Variants in ELP4 observed in about 807,000 individuals in gnomAD.
ELP4 encodes elongator complex protein 4.
A neutral mutation model predicts 48.9 loss-of-function variants in ELP4; 51 were observed. That is an observed-to-expected ratio of 1.04 (90% CI 0.83 to 1.32). ELP4 has a LOEUF of 1.32. Among genes scored for constraint, ELP4 ranks in the 40% most tolerant of loss-of-function variants. The pLI is 0.00. For synonymous variants in ELP4, 210 were observed against 189.2 expected (o/e 1.11, Z -0.90); for missense variants, 519 against 514.6 (o/e 1.01, Z -0.08).
At chr11:31,679,569 T>G (rs1470085563) in intron 9 of ELP4, among the ~76,000 whole-genome samples, 4 of 152,204 alleles carry the variant, frequency 2.6e-5, no homozygotes, top group Non-Finnish European at 5.9e-5. Flanking sequence ...ACCAGTCATA[T>G]TGGATTAGGA....
intron 9 of ELP4, among the ~76,000 whole-genome samples, chr11:31,736,356 C>G (rs1001791644): frequency 2.6e-5 from 4 of 152,064 alleles, no homozygotes; most frequent in Admixed American, 2.6e-4. Context: ...CATGGTAGAC[C>G]TAAAACCATA....
In ELP4 at chr11:31,734,546, T is replaced by C. The variant is rs557120509; in HGVS notation, c.1144-48847T>C. ...TGAAAAGACAACAAGGAAAACTTAG[T>C]TGTGTTTCTGTACACTAGCACTAAA... On this transcript the variant is annotated intron_variant, in intron 9 of 9. Coordinates refer to ENST00000640961, the MANE Select transcript of ELP4 (RefSeq NM_019040.5). Among the ~76,000 whole-genome samples, 15 of 152,332 alleles carry C rather than the reference T, an allele frequency of 9.8e-5. No individual in the cohort carries two copies. The South Asian group carries it at 2.7e-3, about 27-fold the overall frequency.
chr11:31,766,195 A>G (rs1371964799), intron 9 of ELP4, among the ~76,000 whole-genome samples: 5 of 152,272 alleles, frequency 3.3e-5, no homozygotes, highest in Non-Finnish European at 7.4e-5. Context: ...TGTATTTTAT[A>G]TAATAAACCA....
chr11:31,596,105 A>G (rs1411092656), intron 4 of ELP4, among the ~76,000 whole-genome samples: 1 of 152,154 alleles, frequency 6.6e-6, no homozygotes, highest in East Asian at 1.9e-4. Flanking sequence ...CATATATTTT[A>G]AAATACATCT....
At chr11:31,673,891 G>T (rs937564561) in intron 9 of ELP4, among the ~76,000 whole-genome samples, 1 of 152,032 alleles carries the variant, frequency 6.6e-6, no homozygotes, top group Admixed American at 6.6e-5. Flanking sequence ...TTAGCTCATG[G>T]TTACTCTAAC....
At chr11:31,733,641 A>G (rs1947243856) in intron 9 of ELP4, among the ~76,000 whole-genome samples, 1 of 152,174 alleles carries the variant, frequency 6.6e-6, no homozygotes, top group African/African-American at 2.4e-5. Flanking sequence ...TCTATAGTCT[A>G]CCAAGACTAT....
At chr11:31,603,643 G>A (rs1957820378) in intron 4 of ELP4, 125 bp from the exon 5 acceptor site, 1 of 866,752 alleles carries the variant, frequency 1.2e-6, no homozygotes. Flanking sequence ...CTTAGTGTAT[G>A]TATATCCGTT....
chr11:31,688,450 G>A (rs1177503658), intron 9 of ELP4, among the ~76,000 whole-genome samples: 1 of 152,076 alleles, frequency 6.6e-6, no homozygotes, highest in Non-Finnish European at 1.5e-5. Flanking sequence ...TAATCTTTCA[G>A]GCATTCTTTC....
At position 31,632,293 on chromosome 11, in the gene ELP4, C is replaced by G. The variant is rs1426629524; in HGVS notation, c.815C>G (p.Ala272Gly). The G allele has an allele frequency of 3.1e-6, 5 of 1,612,764 alleles. No homozygotes were observed. The highest frequency in any genetic ancestry group is 3.3e-5 in the Admixed American group (2 of 59,818). Residue 272 changes from alanine (A) to glycine (G), a missense_variant, in exon 7 of 10, where the codon GCA (alanine) becomes GGA (glycine). Coordinates refer to ENST00000640961, the MANE Select transcript of ELP4 (RefSeq NM_019040.5). ...SPLWGDDICC[A>G]ENGGNSHSLT... is the part of the protein sequence containing the mutation. ...TTATGGGGAGACGATATTTGCTGTG[C>G]AGAAAATGGTGGCAACAGTCACAGC...
intron 3 of ELP4, among the ~76,000 whole-genome samples, chr11:31,578,384 A>G (rs541497410): frequency 2.6e-5 from 4 of 152,356 alleles, no homozygotes; most frequent in African/African-American, 9.6e-5. Context: ...TTATAGATTC[A>G]GTGCCATCCC....
intron 9 of ELP4, among the ~76,000 whole-genome samples, chr11:31,689,812 A>G (rs1946237381): frequency 6.6e-6 from 1 of 152,112 alleles, no homozygotes; most frequent in South Asian, 2.1e-4. Context: ...TCACCTATTA[A>G]ATAGAGATAA....
chr11:31,549,597 G>A lies in ELP4; in HGVS notation c.381+9814G>A, dbSNP rs1956803511. ...AGTGTGGTGATTCCTCAGGGATCTA[G>A]AACTAGAAATACCATTTGACCCAGC... On this transcript the variant is annotated intron_variant, in intron 3 of 9. Coordinates refer to ENST00000640961, the MANE Select transcript of ELP4 (RefSeq NM_019040.5). 4.6e-5 allele frequency among the ~76,000 whole-genome samples: 7 copies of A among 151,980 alleles called. No homozygotes were observed. The South Asian group carries it at 1.2e-3, about 27-fold the overall frequency.
chr11:31,711,233 T>C lies in ELP4; in HGVS notation c.1143+61012T>C, dbSNP rs187272437. Among the ~76,000 whole-genome samples, 28 of 152,330 alleles carry C rather than the reference T, an allele frequency of 1.8e-4. No individual in the cohort carries two copies. In the East Asian group the frequency reaches 4.1e-3, roughly 22 times the overall value. ...AAACCTAGAGGTAATCAAAAACTTA[T>C]CTGGGACACTTTTGAAAATGAAGAC... On this transcript the variant is annotated intron_variant, in intron 9 of 9. Transcript: ENST00000640961.
rs946620043 is a variant in ELP4 at position 31,788,604 on chromosome 11, C to T, written c.*5080C>T. Reference sequence around the variant, plus strand: ...TCTGCCCAGATTGAAAATGCCAGTCCTAATTCAAAAAACAATTCCTAGCTA... The same window carrying T: ...TCTGCCCAGATTGAAAATGCCAGTCTTAATTCAAAAAACAATTCCTAGCTA... On this transcript the variant is annotated 3_prime_UTR_variant, in exon 10 of 10. Transcript: ENST00000640961. 4.5e-6 allele frequency: 1 copy of T among 221,034 alleles called. No homozygotes were observed. Among genetic ancestry groups the T allele is most frequent in the Non-Finnish European group, 9.1e-6 (1 of 110,302 alleles). 13.7% of individuals were successfully genotyped at this position (221,034 alleles called of 1,614,324 possible).
At chr11:31,555,430 T>C (rs1348302642) in intron 3 of ELP4, among the ~76,000 whole-genome samples, 4 of 152,058 alleles carry the variant, frequency 2.6e-5, no homozygotes, top group African/African-American at 9.6e-5. Context: ...ATTCCTAATA[T>C]TGTCATTTTA....
chr11:31,583,057 G>A (rs927693586), intron 3 of ELP4, among the ~76,000 whole-genome samples: 1 of 152,116 alleles, frequency 6.6e-6, no homozygotes, highest in Admixed American at 6.5e-5. Flanking sequence ...CTCTTGCACA[G>A]TTAGTTGGTG....
chr11:31,644,148 C>T (rs956204862), intron 7 of ELP4, among the ~76,000 whole-genome samples: 4 of 151,554 alleles, frequency 2.6e-5, no homozygotes, highest in Admixed American at 2.6e-4. Context: ...GATTTTTGAG[C>T]CATCCTACAT....
At chr11:31,571,790 TA>T (rs1271377982) in intron 3 of ELP4, among the ~76,000 whole-genome samples, 5 of 152,174 alleles carry the variant, frequency 3.3e-5, no homozygotes, top group Non-Finnish European at 7.3e-5. Context: ...CAGTGAGCAG[TA>T]ATATTTTGAA....
At chr11:31,560,850 T>C (rs899800125) in intron 3 of ELP4, among the ~76,000 whole-genome samples, 4 of 151,428 alleles carry the variant, frequency 2.6e-5, no homozygotes, top group Non-Finnish European at 5.9e-5. Flanking sequence ...TTATGGTACC[T>C]TTGCTATATT....
Sources: gnomAD v4.1 joint callset for allele counts (sites outside exome capture counted in the v4.1 genomes callset) on GRCh38, gnomAD v4.1.1 for gene constraint, MANE v1.5 for transcripts, NCBI Gene and HGNC (gene_info 2026-07-23, HGNC 2026-07-21) for gene names.